PCDH15: variants seen among roughly 807,000 people sequenced by gnomAD.
The protein encoded by PCDH15 is protocadherin-15.
Under a neutral mutation model 178.5 loss-of-function variants are expected in PCDH15, and 129 were observed. The ratio of observed to expected loss-of-function variants is 0.72; its 90% CI spans 0.63 to 0.84. The LOEUF (loss-of-function observed/expected upper bound fraction) is 0.84. Among genes scored for constraint, PCDH15 ranks in the 40% least tolerant of loss-of-function variants. The probability of loss-of-function intolerance (pLI) is 0.00; values close to 1 mark genes in which losing one functional copy is unlikely to be tolerated. For missense variants in PCDH15, 2,230 were observed against 2,099.9 expected, an observed-to-expected ratio of 1.06 and a Z score of -1.21; for synonymous variants, 800 against 732.0, an observed-to-expected ratio of 1.09 and a Z score of -1.50.
chr10:54,288,007 T>TTGA (rs1030421935), intron 8 of PCDH15, among the ~76,000 whole-genome samples: 26 of 152,090 alleles, frequency 1.7e-4, no homozygotes, highest in Non-Finnish European at 2.4e-4. Context: ...TTTGGAATAG[T>TTGA]TGATGATGAT....
In PCDH15 at chr10:53,821,399, T is replaced by G. The variant is rs534928410; in HGVS notation, c.4368-1169A>C. ...GTAGTATTTCTTCTTACCAAATACA[T>G]AGGCTTCAAGAAAAAACAGAACCTA... On this transcript the variant is annotated intron_variant, in intron 32 of 37. Transcript: ENST00000644397. 495 of 996,800 alleles carry G rather than the reference T, an allele frequency of 5.0e-4. 3 individuals carry two copies. In the African/African-American group the frequency reaches 8.0e-3, roughly 16 times the overall value. The allele number at this position is 996,800 out of a possible 1,614,324, so 61.7% of individuals were successfully genotyped here. A position where few individuals can be genotyped will look rare whatever the true frequency, so the allele number is the denominator to read the frequency against.
intron 1 of PCDH15, among the ~76,000 whole-genome samples, chr10:54,767,752 G>C (rs146165254): frequency 5.3e-5 from 8 of 152,132 alleles, no homozygotes; most frequent in Admixed American, 5.2e-4. Context: ...CCAACACATG[G>C]TATGTATTCT....
At chr10:54,580,708 C>G (rs2090956490) in intron 2 of PCDH15, among the ~76,000 whole-genome samples, 1 of 152,020 alleles carries the variant, frequency 6.6e-6, no homozygotes, top group South Asian at 2.1e-4. Flanking sequence ...CAACCAAACA[C>G]TAGCAAACCT....
chr10:55,183,116 AT>A (rs1482990778), intron 1 of PCDH15, among the ~76,000 whole-genome samples: 1 of 152,004 alleles, frequency 6.6e-6, no homozygotes, highest in African/African-American at 2.4e-5. Flanking sequence ...GAAGCAGTTG[AT>A]TTTGAAAAAG....
intron 1 of PCDH15, among the ~76,000 whole-genome samples, chr10:55,228,009 T>A (rs1841101351): frequency 6.6e-6 from 1 of 152,154 alleles, no homozygotes; most frequent in African/African-American, 2.4e-5. Flanking sequence ...TGAAAATCAA[T>A]CAAAGACACA....
chr10:53,887,909 C>T (rs982783280), intron 26 of PCDH15, among the ~76,000 whole-genome samples: 1 of 151,160 alleles, frequency 6.6e-6, no homozygotes, highest in African/African-American at 2.4e-5. Context: ...AAATAAAAAA[C>T]AAAAAACAAA....
intron 2 of PCDH15, chr10:54,528,417 A>G: frequency 6.4e-7 from 1 of 1,570,344 alleles, no homozygotes; most frequent in Non-Finnish European, 8.7e-7. Context: ...AGTCAAAAGT[A>G]TAGAGTCATC....
intron 1 of PCDH15, among the ~76,000 whole-genome samples, chr10:55,288,919 A>G (rs1046740369): frequency 2.0e-4 from 30 of 151,702 alleles, no homozygotes; most frequent in Admixed American, 1.2e-3. Flanking sequence ...TTATACAGTA[A>G]TTCTATTTTT....
intron 1 of PCDH15, among the ~76,000 whole-genome samples, chr10:55,170,916 G>A (rs1041694040): frequency 7.2e-5 from 11 of 152,152 alleles, no homozygotes; most frequent in South Asian, 6.2e-4. Flanking sequence ...AAAAGAAAGC[G>A]TAATTGATTT....
chr10:55,472,413 T>C (rs1343060395), intron 2 of PCDH15, among the ~76,000 whole-genome samples: 1 of 152,046 alleles, frequency 6.6e-6, no homozygotes, highest in African/African-American at 2.4e-5. Flanking sequence ...TTATGTATGT[T>C]AATGCTATGC....
chr10:55,342,465 A>C (rs1228215317), intron 2 of PCDH15, among the ~76,000 whole-genome samples: 2 of 151,742 alleles, frequency 1.3e-5, no homozygotes, highest in Non-Finnish European at 2.9e-5. Context: ...TTATTTATTT[A>C]TTTATTTTTT....
At chr10:54,307,110 A>G (rs1451919556) in intron 8 of PCDH15, among the ~76,000 whole-genome samples, 447 of 30,500 alleles carry the variant, frequency 0.015, 66 homozygotes, top group Admixed American at 0.022. Flanking sequence ...GTGTGTATAT[A>G]TATATATATA....
At position 55,149,461 on chromosome 10, in the gene PCDH15, A is replaced by G. The variant is rs570815749; in HGVS notation, c.-80+17115T>C. 3.0e-3 allele frequency among the ~76,000 whole-genome samples: 452 copies of G among 152,168 alleles called. 1 individual carries two copies. The highest frequency in any genetic ancestry group is 4.8e-3 in the Non-Finnish European group (324 of 67,962). On this transcript the variant is annotated intron_variant, in intron 2 of 5. Coordinates refer to the PCDH15 transcript ENST00000458638. ...AGGCAGAATACAACAGTAAAGTAAA[A>G]TCGTTTTATGCATATTTAACAAAAA...
intron 1 of PCDH15, among the ~76,000 whole-genome samples, chr10:54,777,519 A>T (rs1256789846): frequency 6.6e-6 from 1 of 152,220 alleles, no homozygotes; most frequent in East Asian, 1.9e-4. Context: ...CTCTCATCAC[A>T]ATAAAGCAGA....
intron 2 of PCDH15, among the ~76,000 whole-genome samples, chr10:55,460,721 A>G (rs1011343750): frequency 4.6e-5 from 7 of 152,082 alleles, no homozygotes; most frequent in Admixed American, 2.6e-4. Context: ...CCAATGTATT[A>G]TCTCATTATG....
chr10:54,704,825 G>T (rs2095349544), intron 1 of PCDH15, among the ~76,000 whole-genome samples: 1 of 152,162 alleles, frequency 6.6e-6, no homozygotes, highest in East Asian at 1.9e-4. Flanking sequence ...CATTAATTGA[G>T]CACATTCCCA....
chr10:53,910,772 G>T (rs777408098), intron 25 of PCDH15, among the ~76,000 whole-genome samples: 3 of 152,178 alleles, frequency 2.0e-5, no homozygotes, highest in African/African-American at 7.2e-5. Flanking sequence ...CTTAAAAAAA[G>T]ATTAGACGAA....
At chr10:54,987,677 C>G (rs1839405299) in intron 2 of PCDH15, among the ~76,000 whole-genome samples, 1 of 148,826 alleles carries the variant, frequency 6.7e-6, no homozygotes, top group Non-Finnish European at 1.5e-5. Flanking sequence ...TGAGAAGTGT[C>G]TGTTTATATC....
chr10:55,088,726 G>T (rs1263320748), intron 2 of PCDH15, among the ~76,000 whole-genome samples: 2 of 152,014 alleles, frequency 1.3e-5, no homozygotes, highest in East Asian at 3.9e-4. Flanking sequence ...TAAGGTTAAT[G>T]AGCCTATTTT....
Sources: gnomAD v4.1 joint callset for allele counts (sites outside exome capture counted in the v4.1 genomes callset) on GRCh38, gnomAD v4.1.1 for gene constraint, MANE v1.5 for transcripts, NCBI Gene and HGNC (gene_info 2026-07-23, HGNC 2026-07-21) for gene names.